Variants in SLC9C1 observed in about 807,000 individuals in gnomAD.
SLC9C1 encodes solute carrier family 9 member C1, also known as sodium/hydrogen exchanger 10.
In SLC9C1, 97 loss-of-function variants were observed where a neutral mutation model predicts 140.9. That is an observed-to-expected ratio of 0.69 (90% CI 0.58 to 0.82). The LOEUF (loss-of-function observed/expected upper bound fraction) is 0.82, where lower values mean the gene tolerates loss of function less well. Among genes scored for constraint, SLC9C1 ranks in the 40% least tolerant of loss-of-function variants. The probability of loss-of-function intolerance (pLI) is 0.00; values close to 1 mark genes in which losing one functional copy is unlikely to be tolerated. For synonymous variants in SLC9C1, 440 were observed against 442.6 expected (o/e 0.99, Z 0.07); for missense variants, 1,340 against 1,389.3 (o/e 0.96, Z 0.56).
intron 15 of SLC9C1, among the ~76,000 whole-genome samples, chr3:112,216,906 A>G (rs375805172): frequency 3.9e-5 from 6 of 152,234 alleles, no homozygotes; most frequent in African/African-American, 9.6e-5. Context: ...ACATGCACAC[A>G]TATGTTTATT....
At chr3:112,271,505 G>T (rs1250934893) in intron 6 of SLC9C1, among the ~76,000 whole-genome samples, 1 of 151,020 alleles carries the variant, frequency 6.6e-6, no homozygotes, top group African/African-American at 2.4e-5. Context: ...TGGGGTAGAT[G>T]GACAATATTT....
intron 20 of SLC9C1, chr3:112,185,634 C>T: frequency 1.3e-6 from 2 of 1,573,640 alleles, no homozygotes; most frequent in Non-Finnish European, 1.7e-6. Context: ...GCTCCTGACC[C>T]GGAAAGCTCC....
rs118031678 is a variant in SLC9C1 at position 112,155,457 on chromosome 3, C to T, written c.3365-408G>A. Among the ~76,000 whole-genome samples the T allele has an allele frequency of 3.6e-3, 545 of 152,164 alleles. 8 individuals carry two copies. The highest frequency in any genetic ancestry group is 0.026 in the East Asian group (134 of 5,188). On this transcript the variant is annotated intron_variant, in intron 26 of 28. Coordinates refer to ENST00000305815, the MANE Select transcript of SLC9C1 (RefSeq NM_183061.3). ...CTAGCAAACATACAAAGAAATATGA[C>T]GTGGTAAAAACAGGACTGTGTGTAT...
chr3:112,180,727 A>G, intron 21 of SLC9C1, 65 bp from the exon 22 acceptor site: 1 of 1,379,624 alleles, frequency 7.2e-7, no homozygotes, highest in Admixed American at 2.0e-5. Context: ...GAATGTTAAA[A>G]TTTGCATTTT....
chr3:112,157,518 C>G (rs1226124435), intron 26 of SLC9C1, among the ~76,000 whole-genome samples: 3 of 151,700 alleles, frequency 2.0e-5, no homozygotes, highest in African/African-American at 7.3e-5. Flanking sequence ...TTGTGGTTCC[C>G]TATGGATTTT....
At chr3:112,169,134 T>C in intron 24 of SLC9C1, 63 bp downstream of exon 24, 5 of 1,582,344 alleles carry the variant, frequency 3.2e-6, no homozygotes, top group East Asian at 2.2e-5. Flanking sequence ...AATAGTCAAT[T>C]ATAATGTTTT....
intron 6 of SLC9C1, among the ~76,000 whole-genome samples, chr3:112,273,151 C>T (rs1229470355): frequency 6.6e-6 from 1 of 151,844 alleles, no homozygotes; most frequent in Non-Finnish European, 1.5e-5. Flanking sequence ...CAAGGGTGGC[C>T]CTTGAGTTTT....
chr3:112,202,538 G>T, intron 17 of SLC9C1, 139 bp from the exon 18 acceptor site: 3 of 788,606 alleles, frequency 3.8e-6, no homozygotes, highest in East Asian at 2.9e-5. Context: ...AAGGTTCTTT[G>T]TTATTTTTTT....
At chr3:112,216,308 G>T (rs1264955999) in intron 15 of SLC9C1, among the ~76,000 whole-genome samples, 5 of 151,982 alleles carry the variant, frequency 3.3e-5, no homozygotes, top group South Asian at 2.1e-4. Context: ...AAGGACTTCA[G>T]GACTAAAACA....
intron 27 of SLC9C1, among the ~76,000 whole-genome samples, chr3:112,152,474 G>A (rs995940546): frequency 1.3e-5 from 2 of 152,052 alleles, no homozygotes; most frequent in Non-Finnish European, 2.9e-5. Flanking sequence ...GTTTTACACC[G>A]AGACATTCCA....
chr3:112,265,474 C>A (rs1300713848), intron 8 of SLC9C1, among the ~76,000 whole-genome samples: 1 of 152,112 alleles, frequency 6.6e-6, no homozygotes, highest in Admixed American at 6.6e-5. Flanking sequence ...GACCCTATAT[C>A]TTTTAAGCTT....
chr3:112,279,364 A>G (rs2080300276), intron 3 of SLC9C1, among the ~76,000 whole-genome samples: 1 of 152,180 alleles, frequency 6.6e-6, no homozygotes, highest in Non-Finnish European at 1.5e-5. Context: ...TCCAGAGCAA[A>G]TGACAGGTTT....
At position 112,202,368 on chromosome 3, in the gene SLC9C1, T is replaced by A; in HGVS notation, c.2204A>T (p.Asp735Val). ...GGTCTTCTGATGACTCATTCTTTTATCTATTATTTGCAGCAACTTTGGTGC... is the reference window on the plus strand; with the variant it reads ...GGTCTTCTGATGACTCATTCTTTTAACTATTATTTGCAGCAACTTTGGTGC... ...LIAPKLLQII[D>V]KRMSHQKTFW... Residue 735 changes from aspartate to valine, a missense_variant, in exon 18 of 29, where the codon GAT becomes GTT. By Grantham distance (152) the Asp-to-Val change is radical. Coordinates refer to ENST00000305815, the MANE Select transcript of SLC9C1 (RefSeq NM_183061.3). The A allele has an allele frequency of 6.2e-7, 1 of 1,605,414 alleles. No homozygotes were observed. Among genetic ancestry groups the A allele is most frequent in the Non-Finnish European group, 8.5e-7 (1 of 1,175,410 alleles).
rs760914626 is a variant in SLC9C1, at chr3:112,278,750, C to G, written c.297G>C (p.Met99Ile). The stretch of plus-strand genomic sequence containing the variant: ...TTACCTGCCAAAATAACTTTTGAAG[C>G]ATGTACGTATCCATGTCAAATGCAG... ...FTTAFDMDTY[M>I]LQKLFWQILL... Residue 99 changes from methionine (M) to isoleucine (I), a missense_variant, in exon 4 of 29, where the codon ATG (methionine) becomes ATC (isoleucine). By Grantham distance (10) the Met-to-Ile change is conservative. Transcript: ENST00000305815. The G allele has an allele frequency of 6.2e-7, 1 of 1,606,590 alleles. No homozygotes were observed. The highest frequency in any genetic ancestry group is 8.5e-7 in the Non-Finnish European group (1 of 1,177,622).
At chr3:112,192,885 A>G (rs1443832062) in intron 20 of SLC9C1, among the ~76,000 whole-genome samples, 4 of 152,112 alleles carry the variant, frequency 2.6e-5, no homozygotes, top group African/African-American at 9.7e-5. Context: ...GAAGTATCAT[A>G]TTTCCTTGCT....
At chr3:112,153,158 A>G (rs1460911278) in intron 27 of SLC9C1, among the ~76,000 whole-genome samples, 3 of 152,086 alleles carry the variant, frequency 2.0e-5, no homozygotes, top group African/African-American at 4.8e-5. Flanking sequence ...CAATTTGATG[A>G]TTTTCTTTAT....
intron 26 of SLC9C1, among the ~76,000 whole-genome samples, chr3:112,165,431 C>T (rs1192309853): frequency 2.6e-5 from 4 of 152,162 alleles, no homozygotes; most frequent in Non-Finnish European, 5.9e-5. Context: ...ATGATGGTGA[C>T]GTACAGATGG....
At chr3:112,272,315 G>A (rs1004714840) in intron 6 of SLC9C1, among the ~76,000 whole-genome samples, 3 of 152,178 alleles carry the variant, frequency 2.0e-5, no homozygotes, top group African/African-American at 7.2e-5. Context: ...TGTTAAGCCA[G>A]GAAAAGTCTC....
chr3:112,228,689 AAAAC>A (rs1479212917), intron 13 of SLC9C1, among the ~76,000 whole-genome samples: 14 of 152,142 alleles, frequency 9.2e-5, no homozygotes, highest in Admixed American at 6.6e-5. Context: ...CCAACAGCAA[AAAAC>A]AAACAAACAA....
Sources: allele counts gnomAD v4.1 joint callset (sites outside exome capture counted in the v4.1 genomes callset), GRCh38; gene constraint gnomAD v4.1.1; transcripts MANE v1.5; gene names NCBI Gene and HGNC (gene_info 2026-07-23, HGNC 2026-07-21).